EPB41L4A: variants seen among roughly 807,000 people sequenced by gnomAD.
EPB41L4A encodes the protein erythrocyte membrane protein band 4.1 like 4A.
In EPB41L4A, 100 loss-of-function variants were observed where a neutral mutation model predicts 108.6. The observed-to-expected ratio is 0.92, with a 90% confidence interval of 0.78 to 1.09. The LOEUF is 1.09. Ranked by LOEUF, EPB41L4A falls within the 50% of genes least tolerant of loss-of-function variation. EPB41L4A has a pLI of 0.00. For missense variants in EPB41L4A, 1,030 were observed against 842.7 expected (o/e 1.22, Z -2.75); for synonymous variants, 319 against 289.0 (o/e 1.10, Z -1.05).
At chr5:112,219,101 CCT>C (rs953407120) in intron 12 of EPB41L4A, among the ~76,000 whole-genome samples, 106 of 152,164 alleles carry the variant, frequency 7.0e-4, no homozygotes, top group African/African-American at 2.5e-3. Context: ...TTCTACTTCA[CCT>C]ACAAAATTTA....
intron 20 of EPB41L4A, 197 bp downstream of exon 20, chr5:112,170,104 T>A: frequency 3.6e-6 from 2 of 563,226 alleles, no homozygotes; most frequent in Non-Finnish European, 3.1e-6. Context: ...AGGTGGCTAA[T>A]AAGAGATGAT....
At chr5:112,273,736 T>G (rs1462656541) in intron 4 of EPB41L4A, among the ~76,000 whole-genome samples, 1 of 152,198 alleles carries the variant, frequency 6.6e-6, no homozygotes. Flanking sequence ...CATTTTATTT[T>G]TTAAAAAATG....
At chr5:112,366,125 A>C (rs1241320076) in intron 1 of EPB41L4A, among the ~76,000 whole-genome samples, 1 of 152,172 alleles carries the variant, frequency 6.6e-6, no homozygotes, top group Non-Finnish European at 1.5e-5. Context: ...GCTAAGGAGC[A>C]AGGCATTCTT....
intron 1 of EPB41L4A, among the ~76,000 whole-genome samples, chr5:112,383,578 CTTAAT>C (rs1223772120): frequency 2.0e-5 from 3 of 152,134 alleles, no homozygotes; most frequent in Non-Finnish European, 2.9e-5. Context: ...AAAATTAAGT[CTTAAT>C]TTAAAGAAAA....
intron 7 of EPB41L4A, among the ~76,000 whole-genome samples, chr5:112,260,584 C>T (rs2094217071): frequency 6.6e-6 from 1 of 152,130 alleles, no homozygotes; most frequent in African/African-American, 2.4e-5. Context: ...TTTTTGAAGT[C>T]TCTATCATGT....
Position 112,418,987 on chromosome 5 carries a change from A to G in EPB41L4A, c.53T>C (p.Leu18Pro), listed in dbSNP as rs745382326. ...PEEFYCEVLL[L>P]DESKLTLTTQ... is the part of the protein sequence containing the mutation. ...GGTAAGGGTTAACTTGGATTCATCCAGGAGCAAAACTTCGCAGTAAAATTC... is the reference window on the plus strand; with the variant it reads ...GGTAAGGGTTAACTTGGATTCATCCGGGAGCAAAACTTCGCAGTAAAATTC... The change falls in exon 1 of 23, where the codon CTG (leucine) becomes CCG (proline). Residue 18 changes from leucine (L) to proline (P), a missense_variant. Coordinates refer to ENST00000261486, the MANE Select transcript of EPB41L4A (RefSeq NM_022140.5). The G allele has an allele frequency of 8.1e-6, 13 of 1,613,540 alleles. No homozygotes were observed. The highest frequency in any genetic ancestry group is 1.1e-5 in the Non-Finnish European group (13 of 1,179,740).
At chr5:112,229,462 ATGAG>A (rs1748710241) in intron 12 of EPB41L4A, among the ~76,000 whole-genome samples, 1 of 152,022 alleles carries the variant, frequency 6.6e-6, no homozygotes, top group Non-Finnish European at 1.5e-5. Flanking sequence ...TCTTGGTTAC[ATGAG>A]TAAGTTCTTT....
intron 1 of EPB41L4A, among the ~76,000 whole-genome samples, chr5:112,385,969 G>A (rs1760497294): frequency 6.6e-6 from 1 of 152,190 alleles, no homozygotes; most frequent in African/African-American, 2.4e-5. Flanking sequence ...TGAGCTCATT[G>A]TTAGCCAAAT....
intron 1 of EPB41L4A, among the ~76,000 whole-genome samples, chr5:112,349,569 G>A (rs188167736): frequency 1.4e-4 from 21 of 152,262 alleles, no homozygotes; most frequent in Admixed American, 9.8e-4. Flanking sequence ...TTTGAGTTTC[G>A]GAATGAGACT....
chr5:112,265,518 T>C (rs1418447934), intron 5 of EPB41L4A, among the ~76,000 whole-genome samples: 2 of 152,224 alleles, frequency 1.3e-5, no homozygotes, highest in African/African-American at 2.4e-5. Context: ...GAAAGCCCAC[T>C]ATATTACTCC....
At chr5:112,361,438 T>A (rs1758754160) in intron 1 of EPB41L4A, among the ~76,000 whole-genome samples, 2 of 151,734 alleles carry the variant, frequency 1.3e-5, no homozygotes, top group African/African-American at 4.9e-5. Flanking sequence ...CACATGTTTA[T>A]CTGCTGACCT....
intron 2 of EPB41L4A, among the ~76,000 whole-genome samples, chr5:112,283,382 T>C (rs1373817350): frequency 6.6e-6 from 1 of 152,142 alleles, no homozygotes; most frequent in East Asian, 1.9e-4. Context: ...TAAAACCCAC[T>C]TACGTTCAAC....
intron 1 of EPB41L4A, among the ~76,000 whole-genome samples, chr5:112,337,278 T>C (rs1227952721): frequency 6.6e-6 from 1 of 152,212 alleles, no homozygotes; most frequent in Non-Finnish European, 1.5e-5. Flanking sequence ...ACCCATCTGT[T>C]ATAGTCAGCT....
At chr5:112,291,496 T>C (rs1249849117) in intron 2 of EPB41L4A, among the ~76,000 whole-genome samples, 2 of 152,218 alleles carry the variant, frequency 1.3e-5, no homozygotes, top group East Asian at 1.9e-4. Context: ...TGTTGAAATG[T>C]TGGGAGTGTT....
rs17134453 is a variant in EPB41L4A at position 112,386,299 on chromosome 5, A to G, written c.99+32642T>C. On this transcript the variant is annotated intron_variant, in intron 1 of 22. Coordinates refer to ENST00000261486, the MANE Select transcript of EPB41L4A (RefSeq NM_022140.5). ...CAAACCTTACATAAAATACCCTTAC[A>G]GCAAATTACTCCTGTCTAATGCTAA... 9.5e-3 allele frequency among the ~76,000 whole-genome samples: 1,445 copies of G among 152,346 alleles called. 14 individuals carry two copies. The highest frequency in any genetic ancestry group is 0.034 in the African/African-American group (1,397 of 41,576).
At chr5:112,190,362 C>A (rs1170959005) in intron 17 of EPB41L4A, among the ~76,000 whole-genome samples, 1 of 151,934 alleles carries the variant, frequency 6.6e-6, no homozygotes, top group African/African-American at 2.4e-5. Context: ...AACTACAGAC[C>A]CTATCTTTAG....
At chr5:112,355,118 G>A (rs1758285919) in intron 1 of EPB41L4A, among the ~76,000 whole-genome samples, 1 of 152,064 alleles carries the variant, frequency 6.6e-6, no homozygotes, top group Admixed American at 6.5e-5. Context: ...CATGAACACA[G>A]ATTTATACTC....
chr5:112,269,259 C>T (rs937452245), intron 4 of EPB41L4A, among the ~76,000 whole-genome samples: 1 of 151,722 alleles, frequency 6.6e-6, no homozygotes, highest in African/African-American at 2.4e-5. Flanking sequence ...CTTTAACTCA[C>T]TGCATTAAAA....
chr5:112,408,856 G>A (rs2112797766), intron 1 of EPB41L4A, among the ~76,000 whole-genome samples: 1 of 152,166 alleles, frequency 6.6e-6, no homozygotes, highest in South Asian at 2.1e-4. Context: ...GTGAGAATGT[G>A]GAGAAATTAG....
Sources: allele counts gnomAD v4.1 joint callset (sites outside exome capture counted in the v4.1 genomes callset), GRCh38; gene constraint gnomAD v4.1.1; transcripts MANE v1.5; gene names NCBI Gene and HGNC (gene_info 2026-07-23, HGNC 2026-07-21).